The following ZPLD1 variants were observed in gnomAD, a reference collection of about 807,000 sequenced individuals.
The protein encoded by ZPLD1 is zona pellucida-like domain-containing protein 1.
In ZPLD1, 34 loss-of-function variants were observed where a neutral mutation model predicts 47.2. That is an observed-to-expected ratio of 0.72 (90% CI 0.55 to 0.96). The LOEUF (loss-of-function observed/expected upper bound fraction) is 0.96, where lower values mean the gene tolerates loss of function less well. Among genes scored for constraint, ZPLD1 ranks in the 40% least tolerant of loss-of-function variants. The probability of loss-of-function intolerance (pLI) is 0.00; values close to 1 mark genes in which losing one functional copy is unlikely to be tolerated. For synonymous variants in ZPLD1, 176 were observed against 186.2 expected, an observed-to-expected ratio of 0.95 and a Z score of 0.45; for missense variants, 512 against 505.8, an observed-to-expected ratio of 1.01 and a Z score of -0.12.
chr3:102,474,794 T>C (rs1033612588), intron 10 of ZPLD1, among the ~76,000 whole-genome samples: 5 of 152,154 alleles, frequency 3.3e-5, no homozygotes, highest in Non-Finnish European at 7.3e-5. Flanking sequence ...AATAGATAAA[T>C]ATACTCTTGG....
At chr3:102,433,857 C>T (rs1707048885), upstream of ZPLD1, among the ~76,000 whole-genome samples, 1 of 151,968 alleles carries the variant, frequency 6.6e-6, no homozygotes, top group Non-Finnish European at 1.5e-5. Context: ...GCACTCACTG[C>T]CTAATGAAAT....
chr3:102,390,982 A>C (rs1176297641), intron 6 of ZPLD1, among the ~76,000 whole-genome samples: 1 of 152,156 alleles, frequency 6.6e-6, no homozygotes, highest in Non-Finnish European at 1.5e-5. Context: ...TTTAAGTTAT[A>C]GACTAAGTAA....
intron 7 of ZPLD1, among the ~76,000 whole-genome samples, chr3:102,410,914 T>C (rs1355794779): frequency 6.6e-6 from 1 of 151,872 alleles, no homozygotes; most frequent in Admixed American, 6.6e-5. Context: ...CAAAATGTAA[T>C]ATTGTTCACC....
intron 4 of ZPLD1, among the ~76,000 whole-genome samples, chr3:102,455,322 C>T (rs914057734): frequency 2.0e-5 from 3 of 152,116 alleles, no homozygotes; most frequent in African/African-American, 7.2e-5. Context: ...TTGATTATTC[C>T]TAAAGTGGTG....
intron 6 of ZPLD1, among the ~76,000 whole-genome samples, chr3:102,387,579 C>A (rs1436939348): frequency 1.3e-5 from 2 of 152,134 alleles, no homozygotes; most frequent in East Asian, 3.9e-4. Context: ...CCTGGGACTT[C>A]CTTCTAGGTT....
intron 8 of ZPLD1, among the ~76,000 whole-genome samples, chr3:102,419,421 C>T (rs1706848820): frequency 6.6e-6 from 1 of 151,708 alleles, no homozygotes; most frequent in South Asian, 2.1e-4. Flanking sequence ...TCAGAAACAT[C>T]CTCAAAAAAA....
intron 6 of ZPLD1, among the ~76,000 whole-genome samples, chr3:102,459,503 A>G (rs1249183424): frequency 6.6e-6 from 1 of 152,184 alleles, no homozygotes; most frequent in Non-Finnish European, 1.5e-5. Context: ...TTCTTTTATC[A>G]TTAAGAGATG....
Position 102,443,488 on chromosome 3 carries a change from G to A in ZPLD1, c.106+4895G>A, listed in dbSNP as rs1576150786. 2.0e-5 allele frequency among the ~76,000 whole-genome samples: 3 copies of A among 152,168 alleles called. No homozygotes were observed. The South Asian group carries it at 6.2e-4, about 32-fold the overall frequency. ...GATGTCTAAAAATGAAATTTGAATA[G>A]TAAGTTTTAAAAATGATGTATGTGT... On this transcript the variant is annotated intron_variant, in intron 3 of 11. Transcript: ENST00000466937.
At chr3:102,394,087 T>G (rs2107286574) in intron 7 of ZPLD1, among the ~76,000 whole-genome samples, 1 of 152,306 alleles carries the variant, frequency 6.6e-6, no homozygotes, top group East Asian at 1.9e-4. Context: ...CCCCCATACA[T>G]TTCAGCAAGA....
At chr3:102,450,656 AAT>A (rs1481413362) in intron 3 of ZPLD1, among the ~76,000 whole-genome samples, 1 of 152,166 alleles carries the variant, frequency 6.6e-6, no homozygotes, top group Non-Finnish European at 1.5e-5. Flanking sequence ...CGACTGGATT[AAT>A]ATATTAACAG....
intron 7 of ZPLD1, among the ~76,000 whole-genome samples, chr3:102,402,338 T>G (rs1173131076): frequency 6.6e-6 from 1 of 152,058 alleles, no homozygotes; most frequent in East Asian, 1.9e-4. Context: ...TACATAATAA[T>G]TTCAAGATAT....
chr3:102,476,908 T>C lies in ZPLD1; in HGVS notation c.1043-104T>C, dbSNP rs115046359. 1,189 of 1,344,490 alleles carry C rather than the reference T, an allele frequency of 8.8e-4. 5 individuals are homozygous for C. The African/African-American group carries it at 0.013, about 15-fold the overall frequency. The allele number at this position is 1,344,490 out of a possible 1,614,324, so 83.3% of individuals were successfully genotyped here. On this transcript the variant is annotated intron_variant, in intron 10 of 11. Coordinates refer to ENST00000466937, the MANE Select transcript of ZPLD1 (RefSeq NM_001329788.2). ...GATTATGGGTGGACGTAAGAGGAGA[T>C]AACAGGTAAAAATGTAGGTACAATG...
chr3:102,455,304 A>G (rs1460279137), intron 4 of ZPLD1, among the ~76,000 whole-genome samples: 1 of 152,246 alleles, frequency 6.6e-6, no homozygotes, highest in African/African-American at 2.4e-5. Flanking sequence ...ATGAAGGTCA[A>G]AAAATTATTG....
At chr3:102,404,510 C>T (rs543937338) in intron 7 of ZPLD1, among the ~76,000 whole-genome samples, 17 of 152,040 alleles carry the variant, frequency 1.1e-4, no homozygotes, top group Non-Finnish European at 1.6e-4. Context: ...AACCTAAGTT[C>T]GAATTGAGAT....
chr3:102,407,848 T>A (rs1706708177), intron 7 of ZPLD1, among the ~76,000 whole-genome samples: 1 of 151,782 alleles, frequency 6.6e-6, no homozygotes, highest in South Asian at 2.1e-4. Context: ...AATAATAAAA[T>A]GCTGTTTTTC....
chr3:102,468,873 C>T (rs1707638127), intron 8 of ZPLD1, 91 bp from the exon 9 acceptor site: 25 of 1,221,436 alleles, frequency 2.0e-5, no homozygotes, highest in East Asian at 9.6e-5. Context: ...AATGTAATGG[C>T]GGAGTCTTAA....
intron 7 of ZPLD1, among the ~76,000 whole-genome samples, chr3:102,393,507 G>A (rs187910698): frequency 1.6e-4 from 25 of 152,224 alleles, no homozygotes; most frequent in Admixed American, 1.6e-3. Context: ...AACAGAGTTT[G>A]CAATTTTGAA....
chr3:102,422,594 T>A (rs1290558889), intron 8 of ZPLD1, among the ~76,000 whole-genome samples: 4 of 152,032 alleles, frequency 2.6e-5, no homozygotes, highest in Non-Finnish European at 5.9e-5. Flanking sequence ...GAAGAGTGTC[T>A]TGAAAGAAGA....
At chr3:102,419,276 T>C (rs1434438359) in intron 8 of ZPLD1, among the ~76,000 whole-genome samples, 1 of 151,992 alleles carries the variant, frequency 6.6e-6, no homozygotes, top group African/African-American at 2.4e-5. Flanking sequence ...TTCAGAACTT[T>C]CATTTGAATA....
Sources: allele counts gnomAD v4.1 joint callset (sites outside exome capture counted in the v4.1 genomes callset), GRCh38; gene constraint gnomAD v4.1.1; transcripts MANE v1.5; gene names NCBI Gene and HGNC (gene_info 2026-07-23, HGNC 2026-07-21).